Variants in ITGB8 observed in about 807,000 individuals in gnomAD.
ITGB8 encodes the protein integrin beta-8.
Under a neutral mutation model 89.5 loss-of-function variants are expected in ITGB8, and 30 were observed. That is an observed-to-expected ratio of 0.34 (90% CI 0.25 to 0.45). The LOEUF (loss-of-function observed/expected upper bound fraction) is 0.45, where lower values mean the gene tolerates loss of function less well. Ranked by LOEUF, ITGB8 falls within the 20% of genes least tolerant of loss-of-function variation. The pLI, the probability that ITGB8 is intolerant of heterozygous loss-of-function variation, is 1.00. For missense variants in ITGB8, 836 were observed against 933.3 expected (o/e 0.90, Z 1.36); for synonymous variants, 335 against 320.4 (o/e 1.05, Z -0.49).
At chr7:20,407,398 GAACC>G (rs1371050250) in intron 12 of ITGB8, among the ~76,000 whole-genome samples, 5 of 150,904 alleles carry the variant, frequency 3.3e-5, no homozygotes, top group African/African-American at 1.2e-4. Context: ...TTAGAACCCA[GAACC>G]TTACTTTGCA....
chr7:20,341,010 G>A (rs1239152485), intron 1 of ITGB8, among the ~76,000 whole-genome samples: 1 of 152,176 alleles, frequency 6.6e-6, no homozygotes, highest in Non-Finnish European at 1.5e-5. Flanking sequence ...TTCATTGACT[G>A]CAATAGAACA....
At chr7:20,370,038 A>C (rs942900166) in intron 3 of ITGB8, among the ~76,000 whole-genome samples, 2 of 151,960 alleles carry the variant, frequency 1.3e-5, no homozygotes, top group African/African-American at 4.8e-5. Flanking sequence ...AAGAAGATAA[A>C]CAAAAAAAAC....
Position 20,339,981 on chromosome 7 carries a change from T to C in ITGB8, c.127+8048T>C, listed in dbSNP as rs536225445. On this transcript the variant is annotated intron_variant, in intron 1 of 13. Coordinates refer to ENST00000222573, the MANE Select transcript of ITGB8 (RefSeq NM_002214.3). ...AGGCGGAGGTTGCAGTGAGCCGAGA[T>C]TGTGCCACTGCACTCCAGTCTGGGA... Among the ~76,000 whole-genome samples, 487 of 152,326 alleles carry C rather than the reference T, an allele frequency of 3.2e-3. 2 individuals carry two copies. Among genetic ancestry groups the C allele is most frequent in the African/African-American group, 0.011 (446 of 41,574 alleles).
At chr7:20,341,761 C>A (rs563773682) in intron 1 of ITGB8, among the ~76,000 whole-genome samples, 1 of 152,214 alleles carries the variant, frequency 6.6e-6, no homozygotes, top group Admixed American at 6.5e-5. Flanking sequence ...GATGCCAGAA[C>A]TCACTTGCCT....
Position 20,380,973 on chromosome 7 carries a change from G to A in ITGB8, c.801+142G>A, listed in dbSNP as rs896339469. On this transcript the variant is annotated intron_variant, in intron 5 of 13. Transcript: ENST00000222573. ...TTACTATCTCTTACTCCTCACCAAG[G>A]TGATTCATTTCGGTATGTGTTTGGG... is the stretch of plus-strand genomic sequence containing the variant. 8.8e-6 allele frequency: 6 copies of A among 683,052 alleles called. No homozygotes were observed. The African/African-American group carries it at 1.1e-4, about 12-fold the overall frequency. The allele number at this position is 683,052 out of a possible 1,614,324, so 42.3% of individuals were successfully genotyped here.
At chr7:20,372,251 G>C (rs529755546) in intron 3 of ITGB8, among the ~76,000 whole-genome samples, 1 of 152,228 alleles carries the variant, frequency 6.6e-6, no homozygotes, top group Admixed American at 6.5e-5. Context: ...AGTTTAGCTT[G>C]TTCTTTTTTA....
At chr7:20,367,314 T>A in intron 3 of ITGB8, 128 bp downstream of exon 3, 1 of 732,672 alleles carries the variant, frequency 1.4e-6, no homozygotes. Flanking sequence ...GGACTCAGAA[T>A]CAAGAAATTA....
chr7:20,374,779 A>C (rs910532887), intron 3 of ITGB8, among the ~76,000 whole-genome samples: 3 of 152,194 alleles, frequency 2.0e-5, no homozygotes, highest in Non-Finnish European at 4.4e-5. Flanking sequence ...AAAGATGTAG[A>C]CAAGAGTAAG....
intron 1 of ITGB8, among the ~76,000 whole-genome samples, chr7:20,359,132 T>A (rs935656252): frequency 1.3e-5 from 2 of 152,204 alleles, no homozygotes; most frequent in Admixed American, 1.3e-4. Context: ...CCTAGGTTGA[T>A]TCCATGTCTT....
intron 1 of ITGB8, among the ~76,000 whole-genome samples, chr7:20,345,257 A>T (rs1264212978): frequency 6.6e-6 from 1 of 152,218 alleles, no homozygotes; most frequent in African/African-American, 2.4e-5. Context: ...AAAATCTAAG[A>T]TGTGCTAATT....
In ITGB8 at chr7:20,379,268, C is replaced by T. The variant is rs1428760953; in HGVS notation, c.606C>T (p.Ile202=). 1 of 1,606,768 alleles carries T rather than the reference C, an allele frequency of 6.2e-7. No homozygotes were observed. The highest frequency in any genetic ancestry group is 1.1e-5 in the South Asian group (1 of 89,976). Residue 202 remains isoleucine, a synonymous_variant, in exon 4 of 14, where the codon ATC becomes ATT. Coordinates refer to ENST00000222573, the MANE Select transcript of ITGB8 (RefSeq NM_002214.3). Reference sequence around the variant, plus strand: ...AAACAGTTTCACCATACATTAGCATCCACCCCGAAAGGATTCATAATCAAT... The same window carrying T: ...AAACAGTTTCACCATACATTAGCATTCACCCCGAAAGGATTCATAATCAAT... The part of the protein sequence containing the change: ...VDKTVSPYIS[I]HPERIHNQCS...
intron 6 of ITGB8, among the ~76,000 whole-genome samples, chr7:20,384,513 TACA>T (rs1412363713): frequency 6.6e-6 from 1 of 152,220 alleles, no homozygotes; most frequent in Non-Finnish European, 1.5e-5. Context: ...AATTTATCTT[TACA>T]ACAACTCTAT....
chr7:20,409,712 G>A lies in ITGB8; in HGVS notation c.2121G>A (p.Val707=). The change falls in exon 13 of 14, where the codon GTG becomes GTA. Residue 707 remains valine, a synonymous_variant. Transcript: ENST00000222573. The part of the protein sequence containing the change: ...GLLKVLIIRQ[V]ILQWNSNKIK... ...TTAAAGTCCTGATCATTAGACAGGT[G>A]ATACTACAATGGAATAGTAATAAAA... 1 of 1,608,522 alleles carries A rather than the reference G, an allele frequency of 6.2e-7. No homozygotes were observed. The highest frequency in any genetic ancestry group is 2.2e-5 in the East Asian group (1 of 44,788).
In ITGB8 at chr7:20,401,836, A is replaced by G. The variant is rs1787323728; in HGVS notation, c.1397A>G (p.Asn466Ser). ...NETAKIHIHR[N>S]CSCQCEDNRG... ...ACCGCTAAAATTCATATACACAGAA[A>G]CTGCAGCTGTCAGTGTGAGGACAAC... The change falls in exon 10 of 14, where the codon AAC becomes AGC. Residue 466 changes from asparagine (N) to serine (S), a missense_variant. Asn to Ser is a conservative substitution (Grantham distance 46, BLOSUM62 1). This residue lies in a region of ITGB8 where 422 missense variants were observed against 416.9 expected (regional missense o/e 1.01). Coordinates refer to ENST00000222573, the MANE Select transcript of ITGB8 (RefSeq NM_002214.3). The G allele has an allele frequency of 6.2e-7, 1 of 1,613,788 alleles. No homozygotes were observed. The highest frequency in any genetic ancestry group is 1.3e-5 in the African/African-American group (1 of 74,912).
intron 1 of ITGB8, among the ~76,000 whole-genome samples, chr7:20,343,913 G>T (rs1046216877): frequency 7.2e-5 from 11 of 152,148 alleles, no homozygotes; most frequent in African/African-American, 2.2e-4. Flanking sequence ...TGCTTGGTGA[G>T]TACATCATTT....
At position 20,331,461 on chromosome 7, in the gene ITGB8, G is replaced by A. The variant is rs1303065119; in HGVS notation, c.-346G>A. ...TGCAGCAGAAGCCCCACCGGCTGGA[G>A]AGAAACAAAAGCTCTTTTCTTTGTC... On this transcript the variant is annotated 5_prime_UTR_variant, in exon 1 of 14. Coordinates refer to ENST00000222573, the MANE Select transcript of ITGB8 (RefSeq NM_002214.3). The A allele has an allele frequency of 4.8e-6, 2 of 413,626 alleles. No individual in the cohort carries two copies. Among genetic ancestry groups the A allele is most frequent in the Non-Finnish European group, 8.4e-6 (2 of 236,916 alleles). The allele number at this position is 413,626 out of a possible 1,614,324, so 25.6% of individuals were successfully genotyped here.
At chr7:20,332,834 G>A (rs987977022) in intron 1 of ITGB8, among the ~76,000 whole-genome samples, 7 of 152,150 alleles carry the variant, frequency 4.6e-5, no homozygotes, top group African/African-American at 1.7e-4. Flanking sequence ...TAAGTAATAG[G>A]ACGAATCATG....
intron 12 of ITGB8, among the ~76,000 whole-genome samples, chr7:20,407,338 A>C (rs547250909): frequency 2.7e-5 from 4 of 150,746 alleles, no homozygotes; most frequent in South Asian, 4.2e-4. Flanking sequence ...ATACTTAATA[A>C]AGCTGTTTAA....
At position 20,412,273 on chromosome 7, in the gene ITGB8, G is replaced by GT. The variant is rs1787789284; in HGVS notation, c.*2277dup. On this transcript the variant is annotated 3_prime_UTR_variant, in exon 14 of 14. Coordinates refer to ENST00000222573, the MANE Select transcript of ITGB8 (RefSeq NM_002214.3). ...TGAGAGATTGACATAATTCAGTACT[G>GT]TGAGTCACTTGTATAAGAAACCTTT... 6.6e-6 allele frequency: 1 copy of GT among 152,590 alleles called. No homozygotes were observed. The allele number at this position is 152,590 out of a possible 1,614,324, so 9.5% of individuals were successfully genotyped here.
Sources: allele counts gnomAD v4.1 joint callset (sites outside exome capture counted in the v4.1 genomes callset), GRCh38; gene constraint gnomAD v4.1.1; regional missense constraint gnomAD v4.1.1; transcripts MANE v1.5; gene names NCBI Gene and HGNC (gene_info 2026-07-23, HGNC 2026-07-21).